Variants in RIOK3 observed in about 807,000 individuals in gnomAD.
RIOK3 encodes RIO kinase 3.
RIOK3 carries 40 observed loss-of-function variants against 63.5 expected under a neutral mutation model. The ratio of observed to expected loss-of-function variants is 0.63; its 90% CI spans 0.49 to 0.82. The LOEUF (loss-of-function observed/expected upper bound fraction) is 0.82, where lower values mean the gene tolerates loss of function less well. Ranked by LOEUF, RIOK3 falls within the 40% of genes least tolerant of loss-of-function variation. The probability of loss-of-function intolerance (pLI) is 0.00; values close to 1 mark genes in which losing one functional copy is unlikely to be tolerated. For synonymous variants in RIOK3, 193 were observed against 205.0 expected (o/e 0.94, Z 0.50); for missense variants, 557 against 637.0 (o/e 0.87, Z 1.35).
rs1206406551 is a variant in RIOK3 at position 23,481,835 on chromosome 18, C to CA, written c.*557dup. 1.3e-5 allele frequency: 2 copies of CA among 152,254 alleles called. No homozygotes were observed. Among genetic ancestry groups the CA allele is most frequent in the African/African-American group, 4.8e-5 (2 of 41,536 alleles). 9.4% of individuals were successfully genotyped at this position (152,254 alleles called of 1,614,324 possible). A position where few individuals can be genotyped will look rare whatever the true frequency, so the allele number is the denominator to read the frequency against. ...TTTCAGAATGGCTGACAGAAATCGACATAAGTCATGTAATTTTTGTTGATA... is the reference window on the plus strand; with the variant it reads ...TTTCAGAATGGCTGACAGAAATCGACAATAAGTCATGTAATTTTTGTTGATA... On this transcript the variant is annotated 3_prime_UTR_variant, in exon 13 of 13. Coordinates refer to ENST00000339486, the MANE Select transcript of RIOK3 (RefSeq NM_003831.5).
At chr18:23,462,926 T>C (rs2057380952) in intron 1 of RIOK3, 38 bp from the exon 2 acceptor site, 1 of 900,568 alleles carries the variant, frequency 1.1e-6, no homozygotes, top group South Asian at 2.3e-5. Context: ...TTTATTTCAT[T>C]ATGATGAATT....
At chr18:23,468,057 C>T (rs547084939) in intron 7 of RIOK3, among the ~76,000 whole-genome samples, 11 of 152,212 alleles carry the variant, frequency 7.2e-5, no homozygotes, top group African/African-American at 2.4e-4. Flanking sequence ...GGATTACAGG[C>T]GTGAGCCACT....
At chr18:23,458,863 A>G (rs1031683887) in intron 1 of RIOK3, among the ~76,000 whole-genome samples, 1 of 152,172 alleles carries the variant, frequency 6.6e-6, no homozygotes, top group African/African-American at 2.4e-5. Flanking sequence ...AAGTGTATGG[A>G]GGGCTTTTAA....
chr18:23,480,658 G>T (rs1212411017), intron 12 of RIOK3, among the ~76,000 whole-genome samples: 1 of 151,180 alleles, frequency 6.6e-6, no homozygotes, highest in African/African-American at 2.4e-5. Context: ...AAAAATTACT[G>T]GCTCAGCCAG....
In RIOK3 at chr18:23,481,740, T is replaced by G. The variant is rs2057536320; in HGVS notation, c.*461T>G. On this transcript the variant is annotated 3_prime_UTR_variant, in exon 13 of 13. Transcript: ENST00000339486. ...CAGAGTTAGCCTTTCTCAATTATGTTTCCAGACTGTGGCCGTGATTCTAAA... is the reference window on the plus strand; with the variant it reads ...CAGAGTTAGCCTTTCTCAATTATGTGTCCAGACTGTGGCCGTGATTCTAAA... 1 of 152,602 alleles carries G rather than the reference T, an allele frequency of 6.6e-6. No homozygotes were observed. The highest frequency in any genetic ancestry group is 1.5e-5 in the Non-Finnish European group (1 of 68,314). The allele number at this position is 152,602 out of a possible 1,614,324, so 9.5% of individuals were successfully genotyped here.
chr18:23,473,797 A>G (rs75110891), intron 8 of RIOK3, among the ~76,000 whole-genome samples, 171 bp downstream of exon 8: 1,532 of 152,304 alleles, frequency 0.01, 18 homozygotes, highest in African/African-American at 0.035. Context: ...TCTTTCCTCA[A>G]TGAAGCTTGA....
At chr18:23,458,443 A>G (rs1320595206) in intron 1 of RIOK3, among the ~76,000 whole-genome samples, 3 of 152,152 alleles carry the variant, frequency 2.0e-5, no homozygotes, top group African/African-American at 7.2e-5. Flanking sequence ...TCTTAGGGTT[A>G]TTTAGCAACA....
chr18:23,458,550 T>C (rs1260995551), intron 1 of RIOK3, among the ~76,000 whole-genome samples: 1 of 152,188 alleles, frequency 6.6e-6, no homozygotes, highest in Admixed American at 6.5e-5. Flanking sequence ...TCCCATCAGA[T>C]TGTGACACTA....
At chr18:23,463,652 G>T (rs1049716864) in intron 2 of RIOK3, among the ~76,000 whole-genome samples, 3 of 151,926 alleles carry the variant, frequency 2.0e-5, no homozygotes, top group Admixed American at 2.0e-4. Flanking sequence ...CAGATGATCC[G>T]CCAGCCTCAG....
rs548359083 is a variant in RIOK3 at position 23,480,993 on chromosome 18, T to C, written c.1453-179T>C. ...TACTAGGGAGGCTGAGGCAGGAGAATTGCTTGAACCCAGGAGGCAGAGGTT... is the reference window on the plus strand; with the variant it reads ...TACTAGGGAGGCTGAGGCAGGAGAACTGCTTGAACCCAGGAGGCAGAGGTT... On this transcript the variant is annotated intron_variant, in intron 12 of 12. Coordinates refer to ENST00000339486, the MANE Select transcript of RIOK3 (RefSeq NM_003831.5). Among the ~76,000 whole-genome samples, 141 of 152,122 alleles carry C rather than the reference T, an allele frequency of 9.3e-4. 1 individual carries two copies. The highest frequency in any genetic ancestry group is 3.4e-3 in the African/African-American group (141 of 41,482).
intron 1 of RIOK3, among the ~76,000 whole-genome samples, chr18:23,455,726 G>T (rs957281069): frequency 2.6e-5 from 4 of 151,452 alleles, no homozygotes; most frequent in Admixed American, 1.3e-4. Context: ...CTCACACTGT[G>T]CCTTGACCTT....
At chr18:23,476,961 C>A in intron 9 of RIOK3, 45 bp from the exon 10 acceptor site, 1 of 1,484,846 alleles carries the variant, frequency 6.7e-7, no homozygotes, top group Non-Finnish European at 9.4e-7. Flanking sequence ...ATCAATAATA[C>A]CACTTAATTA....
chr18:23,480,585 A>ACACACG (rs2057526636), intron 12 of RIOK3, among the ~76,000 whole-genome samples: 1 of 149,408 alleles, frequency 6.7e-6, no homozygotes, highest in African/African-American at 2.5e-5. Context: ...ACACACACAC[A>ACACACG]CACACATAGT....
intron 1 of RIOK3, among the ~76,000 whole-genome samples, chr18:23,460,275 G>A (rs2057366023): frequency 6.6e-6 from 1 of 152,156 alleles, no homozygotes. Flanking sequence ...TTTTTGTAGA[G>A]ATGATATCTT....
Position 23,483,024 on chromosome 18 carries a change from T to C in RIOK3, c.*1745T>C, listed in dbSNP as rs1235099830. 1 of 152,234 alleles carries C rather than the reference T, an allele frequency of 6.6e-6. No homozygotes were observed. The highest frequency in any genetic ancestry group is 2.4e-5 in the African/African-American group (1 of 41,462). 9.4% of individuals were successfully genotyped at this position (152,234 alleles called of 1,614,324 possible). Reference sequence around the variant, plus strand: ...AAATCTTTAGCATTTAAAACTTTTTTTGTTTTGTTTTCTGACATATTCTGA... The same window carrying C: ...AAATCTTTAGCATTTAAAACTTTTTCTGTTTTGTTTTCTGACATATTCTGA... On this transcript the variant is annotated 3_prime_UTR_variant, in exon 13 of 13. Coordinates refer to ENST00000339486, the MANE Select transcript of RIOK3 (RefSeq NM_003831.5).
intron 11 of RIOK3, among the ~76,000 whole-genome samples, chr18:23,478,221 G>A (rs1194144679): frequency 6.6e-6 from 1 of 152,072 alleles, no homozygotes; most frequent in Non-Finnish European, 1.5e-5. Context: ...ATTAAAAGAG[G>A]GACAGTCTCT....
At chr18:23,475,649 A>C (rs75396800) in intron 9 of RIOK3, among the ~76,000 whole-genome samples, 1,830 of 152,130 alleles carry the variant, frequency 0.012, 46 homozygotes, top group African/African-American at 0.042. Flanking sequence ...AACAAACAAA[A>C]AAACCCAAGT....
chr18:23,466,410 A>G (rs1256805587), intron 6 of RIOK3, 134 bp downstream of exon 6: 18 of 743,998 alleles, frequency 2.4e-5, no homozygotes, highest in African/African-American at 3.6e-5. Context: ...GATGTAAATA[A>G]ATCCAGCCAC....
At chr18:23,461,458 G>A (rs143597866) in intron 1 of RIOK3, among the ~76,000 whole-genome samples, 4 of 152,334 alleles carry the variant, frequency 2.6e-5, no homozygotes, top group Middle Eastern at 3.4e-3. Flanking sequence ...AGAAAGATTC[G>A]TTAGGATGCT....
Sources: allele counts gnomAD v4.1 joint callset (sites outside exome capture counted in the v4.1 genomes callset), GRCh38; gene constraint gnomAD v4.1.1; transcripts MANE v1.5; gene names NCBI Gene and HGNC (gene_info 2026-07-23, HGNC 2026-07-21).